KCNK2: variants seen among roughly 807,000 people sequenced by gnomAD.
The protein encoded by KCNK2 is potassium two pore domain channel subfamily K member 2.
A neutral mutation model predicts 40.5 loss-of-function variants in KCNK2; 21 were observed. The observed-to-expected ratio is 0.52, with a 90% CI of 0.37 to 0.75. The LOEUF is 0.75. Among genes scored for constraint, KCNK2 ranks in the 30% least tolerant of loss-of-function variants. The pLI, the probability that KCNK2 is intolerant of heterozygous loss-of-function variation, is 0.00. For synonymous variants in KCNK2, 191 were observed against 202.2 expected, an observed-to-expected ratio of 0.94 and a Z score of 0.47; for missense variants, 399 against 531.6, an observed-to-expected ratio of 0.75 and a Z score of 2.45.
At chr1:215,016,104 A>G (rs994780992) in intron 1 of KCNK2, among the ~76,000 whole-genome samples, 5 of 152,214 alleles carry the variant, frequency 3.3e-5, no homozygotes, top group African/African-American at 1.2e-4. Context: ...AGTCAATAAA[A>G]ATGACAAACA....
At chr1:215,157,805 A>G (rs2102620271) in intron 3 of KCNK2, among the ~76,000 whole-genome samples, 1 of 152,322 alleles carries the variant, frequency 6.6e-6, no homozygotes, top group African/African-American at 2.4e-5. Context: ...ATGCCTATAA[A>G]TCCGTTAACA....
intron 6 of KCNK2, among the ~76,000 whole-genome samples, chr1:215,195,372 T>G (rs952521412): frequency 4.6e-5 from 7 of 152,026 alleles, no homozygotes; most frequent in East Asian, 1.9e-4. Flanking sequence ...TCTTTTTTTT[T>G]TTGTTTTCTT....
intron 4 of KCNK2, among the ~76,000 whole-genome samples, chr1:215,169,931 C>A (rs1190713976): frequency 6.6e-6 from 1 of 152,142 alleles, no homozygotes; most frequent in Non-Finnish European, 1.5e-5. Context: ...CAGGCTTGAG[C>A]CACCGTGCCC....
Position 215,057,878 on chromosome 1 carries a change from G to T in KCNK2, c.35-28490G>T, listed in dbSNP as rs142415513. ...GGGTTAATCATATCTTCCTTACAGG[G>T]AAGCTGCAAGAAATAATTCAGACAA... On this transcript the variant is annotated intron_variant, in intron 1 of 6. Transcript: ENST00000391895. Among the ~76,000 whole-genome samples the T allele has an allele frequency of 3.6e-3, 554 of 152,160 alleles. 4 individuals are homozygous for T. Among genetic ancestry groups the T allele is most frequent in the African/African-American group, 0.013 (527 of 41,504 alleles).
chr1:215,231,452 G>A (rs1256457603), intron 6 of KCNK2, among the ~76,000 whole-genome samples: 1 of 152,124 alleles, frequency 6.6e-6, no homozygotes, highest in Admixed American at 6.5e-5. Context: ...TGCCTGCTAT[G>A]TGCTCGGTGT....
chr1:215,228,067 C>T (rs1323737662), intron 6 of KCNK2, among the ~76,000 whole-genome samples: 1 of 151,976 alleles, frequency 6.6e-6, no homozygotes, highest in South Asian at 2.1e-4. Flanking sequence ...TATACAGATG[C>T]GGAATTCAGT....
At chr1:215,214,130 T>C (rs1665859690) in intron 6 of KCNK2, among the ~76,000 whole-genome samples, 1 of 152,208 alleles carries the variant, frequency 6.6e-6, no homozygotes, top group African/African-American at 2.4e-5. Flanking sequence ...TACCTCAGAC[T>C]GAGCCATTTA....
At chr1:215,054,772 T>C (rs987945600) in intron 1 of KCNK2, among the ~76,000 whole-genome samples, 1 of 152,230 alleles carries the variant, frequency 6.6e-6, no homozygotes, top group South Asian at 2.1e-4. Context: ...TTAGCCTTTT[T>C]CCACACAAAC....
intron 2 of KCNK2, among the ~76,000 whole-genome samples, chr1:215,110,927 A>G (rs1457574252): frequency 6.6e-6 from 1 of 152,148 alleles, no homozygotes; most frequent in Non-Finnish European, 1.5e-5. Flanking sequence ...TGGATAACAT[A>G]CAATGTCATG....
chr1:215,233,299 T>C (rs981721234), intron 6 of KCNK2, among the ~76,000 whole-genome samples: 4 of 152,122 alleles, frequency 2.6e-5, no homozygotes, highest in African/African-American at 9.7e-5. Context: ...TAAGACAGTA[T>C]AACTAGGAAA....
intron 6 of KCNK2, among the ~76,000 whole-genome samples, chr1:215,200,087 A>G (rs1277787658): frequency 1.3e-5 from 2 of 152,198 alleles, no homozygotes; most frequent in Admixed American, 1.3e-4. Flanking sequence ...TTCTCTACCA[A>G]TATCATTTCC....
chr1:215,104,246 A>G (rs892632695), intron 2 of KCNK2, among the ~76,000 whole-genome samples: 2 of 152,080 alleles, frequency 1.3e-5, no homozygotes, highest in African/African-American at 4.8e-5. Flanking sequence ...CTAAGAGCAT[A>G]CTACTGGTTA....
At chr1:215,206,811 A>T (rs1041563377) in intron 6 of KCNK2, among the ~76,000 whole-genome samples, 1 of 152,208 alleles carries the variant, frequency 6.6e-6, no homozygotes. Context: ...TATTCCCTAT[A>T]ACACAGTTAA....
At chr1:215,100,432 G>A (rs962980865) in intron 2 of KCNK2, among the ~76,000 whole-genome samples, 5 of 152,080 alleles carry the variant, frequency 3.3e-5, no homozygotes, top group South Asian at 2.1e-4. Context: ...TTAGTGGGCA[G>A]CATTTGTTTT....
chr1:215,234,614 G>C (rs74142682), intron 6 of KCNK2, among the ~76,000 whole-genome samples: 8 of 152,176 alleles, frequency 5.3e-5, no homozygotes, highest in African/African-American at 1.9e-4. Context: ...TAGAGTTTAA[G>C]TTCATAGATT....
intron 6 of KCNK2, among the ~76,000 whole-genome samples, chr1:215,221,807 C>T (rs979832017): frequency 2.0e-5 from 3 of 152,190 alleles, no homozygotes; most frequent in African/African-American, 7.2e-5. Context: ...TTTATCTAAG[C>T]ACACAAATTA....
chr1:215,061,593 A>G (rs577778563), intron 1 of KCNK2, among the ~76,000 whole-genome samples: 59 of 152,286 alleles, frequency 3.9e-4, no homozygotes, highest in African/African-American at 1.3e-3. Flanking sequence ...ATAAAGCTTT[A>G]AAAAGAAACT....
chr1:215,054,088 A>G (rs12023861), intron 1 of KCNK2, among the ~76,000 whole-genome samples: 9,672 of 152,304 alleles, frequency 0.064, 828 homozygotes, highest in African/African-American at 0.19. Context: ...CACAGACAGC[A>G]TAAGATACAA....
intron 1 of KCNK2, among the ~76,000 whole-genome samples, chr1:215,042,962 C>A (rs906175531): frequency 3.3e-5 from 5 of 152,108 alleles, no homozygotes; most frequent in African/African-American, 1.2e-4. Context: ...TCTCTTATGA[C>A]ATTGTATAAA....
Sources: gnomAD v4.1 joint callset for allele counts (sites outside exome capture counted in the v4.1 genomes callset) on GRCh38, gnomAD v4.1.1 for gene constraint, MANE v1.5 for transcripts, NCBI Gene and HGNC (gene_info 2026-07-23, HGNC 2026-07-21) for gene names.